BRCA1: variants seen among roughly 807,000 people sequenced by gnomAD.
BRCA1 encodes the protein BRCA1 DNA repair associated, also known as breast cancer type 1 susceptibility protein.
In BRCA1, 140 loss-of-function variants were observed where a neutral mutation model predicts 173.7. The observed-to-expected ratio is 0.81, with a 90% CI of 0.70 to 0.93. BRCA1 has a LOEUF of 0.93. Among genes scored for constraint, BRCA1 ranks in the 40% least tolerant of loss-of-function variants. The probability of loss-of-function intolerance (pLI) is 0.00; values close to 1 mark genes in which losing one functional copy is unlikely to be tolerated. For missense variants in BRCA1, 1,983 were observed against 2,172.5 expected, an observed-to-expected ratio of 0.91 and a Z score of 1.73; for synonymous variants, 662 against 756.0, an observed-to-expected ratio of 0.88 and a Z score of 2.04.
chr17:43,105,004 C>T, intron 4 of BRCA1, 48 bp from the exon 5 acceptor site: 1 of 1,425,870 alleles, frequency 7.0e-7, no homozygotes, highest in Non-Finnish European at 9.9e-7. Flanking sequence ...GATTATCAAC[C>T]TTTTAAGGAC....
intron 19 of BRCA1, 102 bp from the exon 20 acceptor site, chr17:43,051,219 G>C: frequency 1.8e-6 from 2 of 1,132,920 alleles, no homozygotes; most frequent in South Asian, 2.6e-5. Context: ...CTTTCAAAAA[G>C]GAAGAGCTTT....
chr17:43,060,995 G>A (rs1208258941), intron 18 of BRCA1, among the ~76,000 whole-genome samples: 5 of 151,914 alleles, frequency 3.3e-5, no homozygotes, highest in Non-Finnish European at 7.4e-5. Context: ...GTGGTAGCAC[G>A]CGTGCCTGTA....
chr17:43,123,225 TA>T (rs930500249), intron 2 of BRCA1, among the ~76,000 whole-genome samples: 7 of 145,840 alleles, frequency 4.8e-5, no homozygotes, highest in East Asian at 4.0e-4. Context: ...AGATCCTATA[TA>T]AAAAAAAAAC....
At chr17:43,102,775 C>T (rs2054549910) in intron 6 of BRCA1, among the ~76,000 whole-genome samples, 1 of 151,848 alleles carries the variant, frequency 6.6e-6, no homozygotes, top group East Asian at 1.9e-4. Flanking sequence ...GTCTCAGCTT[C>T]CCAAGTAGCT....
intron 3 of BRCA1, 115 bp from the exon 4 acceptor site, chr17:43,106,648 TA>T: frequency 1.3e-6 from 1 of 750,418 alleles, no homozygotes; most frequent in Non-Finnish European, 2.2e-6. Flanking sequence ...AAGAGCCATT[TA>T]AAAAGTAATG....
rs80358331 is a variant in BRCA1, at chr17:43,093,045, AAGC to A, written c.2483_2485del (p.Gly828_Phe829delinsVal). 1.2e-6 allele frequency: 2 copies of A among 1,613,774 alleles called. No homozygotes were observed. Among genetic ancestry groups the A allele is most frequent in the Non-Finnish European group, 1.7e-6 (2 of 1,179,982 alleles). On this transcript the variant is annotated inframe_deletion, in exon 10 of 23. Transcript: ENST00000357654. Reference sequence around the variant, plus strand: ...AACTTCATGTCCCAATGGATACTTAAAGCCTTCTGTGTCATTTCTATTATCTTT... The same window carrying A: ...AACTTCATGTCCCAATGGATACTTAACTTCTGTGTCATTTCTATTATCTTT...
intron 18 of BRCA1, among the ~76,000 whole-genome samples, chr17:43,057,902 C>T (rs929415171): frequency 2.0e-5 from 3 of 151,552 alleles, no homozygotes; most frequent in African/African-American, 7.3e-5. Context: ...CACCTGTAGT[C>T]CCAGCTACTC....
intron 2 of BRCA1, among the ~76,000 whole-genome samples, chr17:43,117,127 C>G (rs1203916188): frequency 1.3e-5 from 2 of 152,132 alleles, no homozygotes; most frequent in African/African-American, 4.8e-5. Context: ...AATAAGTACT[C>G]ACTAAAGGAA....
intron 2 of BRCA1, among the ~76,000 whole-genome samples, chr17:43,123,350 T>G (rs1392267376): frequency 1.1e-5 from 1 of 93,338 alleles, no homozygotes; most frequent in Middle Eastern, 5.0e-3. Flanking sequence ...ATCATCCATG[T>G]TTTTTTTTTT....
At position 43,049,560 on chromosome 17, in the gene BRCA1, TTCATCCTAATTC is replaced by T. The variant is rs1251477668; in HGVS notation, c.5333-378_5333-367del. ...CACCTTCCTTCCCTCCCTTCCTCCC[TTCATCCTAATTC>T]TGTGTTGGTAACTGATAATCACGGC... On this transcript the variant is annotated intron_variant, in intron 20 of 22. Transcript: ENST00000357654. Among the ~76,000 whole-genome samples, 1 of 152,208 alleles carries T rather than the reference TTCATCCTAATTC, an allele frequency of 6.6e-6. No homozygotes were observed. Among genetic ancestry groups the T allele is most frequent in the Admixed American group, 6.5e-5 (1 of 15,278 alleles).
intron 7 of BRCA1, 79 bp from the exon 8 acceptor site, chr17:43,097,368 AAC>A: frequency 1.7e-6 from 2 of 1,171,742 alleles, no homozygotes; most frequent in Non-Finnish European, 2.6e-6. Context: ...CTTGTTGAAA[AAC>A]AGATATTCAA....
intron 1 of BRCA1, chr17:43,168,032 A>G (rs962287702): frequency 5.1e-6 from 1 of 195,458 alleles, no homozygotes; most frequent in African/African-American, 2.4e-5. Context: ...TTCTTCAGTT[A>G]AGAAAATCAG....
At chr17:43,124,154 A>T in intron 1 of BRCA1, 39 bp from the exon 2 acceptor site, 1 of 1,183,780 alleles carries the variant, frequency 8.4e-7, no homozygotes, top group Non-Finnish European at 1.2e-6. Context: ...ATATCTTTTT[A>T]AAAGGTTTAT....
At chr17:43,101,901 C>A (rs1056095509) in intron 6 of BRCA1, among the ~76,000 whole-genome samples, 1 of 152,030 alleles carries the variant, frequency 6.6e-6, no homozygotes, top group Admixed American at 6.6e-5. Context: ...CTTTTAAGTT[C>A]AAGTAATTTT....
intron 2 of BRCA1, among the ~76,000 whole-genome samples, chr17:43,116,329 G>C (rs1314183342): frequency 6.6e-6 from 1 of 152,062 alleles, no homozygotes; most frequent in African/African-American, 2.4e-5. Flanking sequence ...TCATGGCCAA[G>C]CTGTTTCACC....
rs273899708 is a variant in BRCA1, at chr17:43,092,023, T to C, written c.3508A>G (p.Ile1170Val). 1.2e-6 allele frequency: 2 copies of C among 1,614,142 alleles called. No homozygotes were observed. Among genetic ancestry groups the C allele is most frequent in the East Asian group, 2.2e-5 (1 of 44,886 alleles). Residue 1170 changes from isoleucine to valine, a missense_variant, in exon 10 of 23, where the codon ATT (isoleucine) becomes GTT (valine). Physicochemically the swap from Ile to Val is conservative, Grantham distance 29. Coordinates refer to ENST00000357654, the MANE Select transcript of BRCA1 (RefSeq NM_007294.4). ...CTAAAAACAGCAGAACTTTCCTTAA[T>C]GTCATTTTCAGCAAAACTAGTATCT... ...KEDTSFAENDIKESSAVFSKS... is the reference protein window; with the variant it reads ...KEDTSFAENDVKESSAVFSKS...
chr17:43,149,184 T>C (rs1212465168), intron 1 of BRCA1, among the ~76,000 whole-genome samples: 1 of 151,334 alleles, frequency 6.6e-6, no homozygotes, highest in African/African-American at 2.4e-5. Context: ...CTGCAAGCTC[T>C]GCCTCCTAGG....
In BRCA1 at chr17:43,104,248, A is replaced by T. The variant is rs2054639807; in HGVS notation, c.315T>A (p.Tyr105Ter). 1 of 1,610,660 alleles carries T rather than the reference A, an allele frequency of 6.2e-7. No homozygotes were observed. Among genetic ancestry groups the T allele is most frequent in the South Asian group, 1.1e-5 (1 of 90,856 alleles). ...AGTTATTTTCCTTTTTTGCAAAATT[A>T]TAGCTGTTTGCATCTGTAAAATACA... The part of the protein sequence containing the change: ...LDTGLEYANS[Y>*]NFAKKENNSP... The change falls in exon 6 of 23, where the codon TAT becomes TAA. Residue 105 changes from tyrosine to a stop codon, truncating the protein, a stop_gained. Transcript: ENST00000357654. LOFTEE classifies it high-confidence loss of function.
intron 1 of BRCA1, among the ~76,000 whole-genome samples, chr17:43,135,873 G>A (rs1356403543): frequency 2.6e-5 from 4 of 152,172 alleles, no homozygotes; most frequent in Non-Finnish European, 5.9e-5. Context: ...ATGCGGTCCC[G>A]CCTCCCATCC....
Sources: allele counts gnomAD v4.1 joint callset (sites outside exome capture counted in the v4.1 genomes callset), GRCh38; gene constraint gnomAD v4.1.1; transcripts MANE v1.5; gene names NCBI Gene and HGNC (gene_info 2026-07-23, HGNC 2026-07-21).